Variants in GAPVD1 observed in about 807,000 individuals in gnomAD.
GAPVD1 encodes the protein GTPase activating protein and VPS9 domains 1, also known as GTPase-activating protein and VPS9 domain-containing protein 1.
In GAPVD1, 35 loss-of-function variants were observed where a neutral mutation model predicts 155.5. The observed-to-expected ratio is 0.23, with a 90% CI of 0.17 to 0.30. GAPVD1 has a LOEUF of 0.30. Ranked by LOEUF, GAPVD1 falls within the 10% of genes least tolerant of loss-of-function variation. The probability of loss-of-function intolerance (pLI) is 1.00; values close to 1 mark genes in which losing one functional copy is unlikely to be tolerated. For synonymous variants in GAPVD1, 636 were observed against 619.7 expected (o/e 1.03, Z -0.39); for missense variants, 1,429 against 1,775.7 (o/e 0.80, Z 3.51).
intron 17 of GAPVD1, among the ~76,000 whole-genome samples, chr9:125,338,248 C>T (rs1309259824): frequency 6.6e-6 from 1 of 152,184 alleles, no homozygotes; most frequent in African/African-American, 2.4e-5. Flanking sequence ...AACACTCCCT[C>T]CCCATTTGTG....
Position 125,351,021 on chromosome 9 carries a change from C to T in GAPVD1, c.3569+149C>T, listed in dbSNP as rs370765335. ...GTAGATTTCTGTGTTAGTCTGTTCTCACGCTGCTGATAAAGATATACCCGA... is the reference window on the plus strand; with the variant it reads ...GTAGATTTCTGTGTTAGTCTGTTCTTACGCTGCTGATAAAGATATACCCGA... On this transcript the variant is annotated intron_variant, in intron 23 of 27. Transcript: ENST00000297933. 121 of 652,210 alleles carry T rather than the reference C, an allele frequency of 1.9e-4. No homozygotes were observed. In the African/African-American group the frequency reaches 1.9e-3, roughly 10 times the overall value. The allele number at this position is 652,210 out of a possible 1,614,324, so 40.4% of individuals were successfully genotyped here. A position where few individuals can be genotyped will look rare whatever the true frequency, so the allele number is the denominator to read the frequency against.
At chr9:125,295,928 A>G (rs570629866) in intron 3 of GAPVD1, among the ~76,000 whole-genome samples, 7 of 152,242 alleles carry the variant, frequency 4.6e-5, no homozygotes, top group Admixed American at 2.6e-4. Context: ...ACTCAGTCAT[A>G]TATTTGTTCA....
At chr9:125,287,486 C>T (rs186959319) in intron 2 of GAPVD1, among the ~76,000 whole-genome samples, 12 of 151,926 alleles carry the variant, frequency 7.9e-5, no homozygotes, top group African/African-American at 1.7e-4. Context: ...GCCAGCCTGG[C>T]GACAGAGCAA....
At chr9:125,326,318 G>A in intron 11 of GAPVD1, 98 bp from the exon 12 acceptor site, 3 of 831,088 alleles carry the variant, frequency 3.6e-6, no homozygotes, top group Non-Finnish European at 5.7e-6. Context: ...GGGAGTTCGA[G>A]ACCAGCCTGA....
chr9:125,352,532 C>T (rs1039153280), intron 23 of GAPVD1, among the ~76,000 whole-genome samples: 6 of 152,226 alleles, frequency 3.9e-5, no homozygotes, highest in African/African-American at 1.4e-4. Context: ...GGCAGGGCAC[C>T]AAGTCCCTAG....
chr9:125,293,629 T>A (rs987190861), intron 2 of GAPVD1, among the ~76,000 whole-genome samples: 11 of 128,446 alleles, frequency 8.6e-5, no homozygotes, highest in Non-Finnish European at 3.1e-5. Flanking sequence ...TTATATATAT[T>A]ATATATATAT....
At chr9:125,332,159 G>C in intron 14 of GAPVD1, 99 bp downstream of exon 14, 3 of 1,173,416 alleles carry the variant, frequency 2.6e-6, no homozygotes, top group Middle Eastern at 2.4e-4. Flanking sequence ...TTATATTTAA[G>C]AGCTGAGTAA....
At chr9:125,361,214 A>G (rs1850864514) in intron 27 of GAPVD1, among the ~76,000 whole-genome samples, 1 of 152,018 alleles carries the variant, frequency 6.6e-6, no homozygotes, top group Non-Finnish European at 1.5e-5. Flanking sequence ...GGATGGGAGG[A>G]CTAGATTCCT....
intron 23 of GAPVD1, among the ~76,000 whole-genome samples, chr9:125,351,640 A>T (rs553476697): frequency 2.0e-5 from 3 of 152,362 alleles, no homozygotes; most frequent in African/African-American, 7.2e-5. Context: ...TCTGAAATCC[A>T]GCAGGGCAGT....
chr9:125,313,708 T>C (rs1842987137), intron 9 of GAPVD1, among the ~76,000 whole-genome samples: 1 of 152,170 alleles, frequency 6.6e-6, no homozygotes, highest in Non-Finnish European at 1.5e-5. Flanking sequence ...TTCAAGCAAT[T>C]CTCCTGCCTC....
intron 2 of GAPVD1, among the ~76,000 whole-genome samples, chr9:125,288,357 G>C (rs1006144712): frequency 1.3e-4 from 20 of 151,970 alleles, no homozygotes; most frequent in African/African-American, 4.8e-4. Context: ...TGATCCACCC[G>C]CCTCAGCCTC....
intron 9 of GAPVD1, among the ~76,000 whole-genome samples, chr9:125,315,009 G>T (rs1197742569): frequency 6.6e-6 from 1 of 151,984 alleles, no homozygotes; most frequent in East Asian, 1.9e-4. Flanking sequence ...GGATAGTCTC[G>T]ATCTCCTGAC....
Position 125,359,476 on chromosome 9 carries a change from C to A in GAPVD1, c.4028C>A (p.Ala1343Asp). ...LSKVVTANHR[A>D]LQIPEVYLRE... ...AAAGTAGTGACTGCAAATCACAGAG[C>A]TCTTCAGATACCAGAGGTAATACAG... The change falls in exon 26 of 28, where the codon GCT becomes GAT. Residue 1343 changes from alanine (A) to aspartate (D), a missense_variant. Physicochemically the swap from Ala to Asp is moderately radical, Grantham distance 126. Transcript: ENST00000297933. The A allele has an allele frequency of 1.9e-6, 3 of 1,564,660 alleles. No individual in the cohort carries two copies. The highest frequency in any genetic ancestry group is 2.2e-5 in the East Asian group (1 of 44,626).
chr9:125,305,937 G>T (rs903974590), intron 6 of GAPVD1, among the ~76,000 whole-genome samples: 5 of 152,078 alleles, frequency 3.3e-5, no homozygotes, highest in Non-Finnish European at 5.9e-5. Flanking sequence ...ACAGATGTCA[G>T]CCACCATGCC....
chr9:125,341,429 CAGAG>C, intron 18 of GAPVD1, 165 bp downstream of exon 18: 1 of 546,298 alleles, frequency 1.8e-6, no homozygotes, highest in Admixed American at 3.6e-5. Flanking sequence ...AATGCTAAGG[CAGAG>C]CTTTAGAAAT....
At position 125,363,485 on chromosome 9, in the gene GAPVD1, T is replaced by C. The variant is rs879909306; in HGVS notation, c.*739T>C. The C allele has an allele frequency of 1.3e-5, 2 of 152,224 alleles. No homozygotes were observed. Among genetic ancestry groups the C allele is most frequent in the Non-Finnish European group, 2.9e-5 (2 of 68,040 alleles). The allele number at this position is 152,224 out of a possible 1,614,324, so 9.4% of individuals were successfully genotyped here. ...TGGAGTTTGATGGACAGGGCTGCCT[T>C]TAATGAGTGTGAAGGTCACTAAGTC... On this transcript the variant is annotated 3_prime_UTR_variant, in exon 28 of 28. Coordinates refer to ENST00000297933, the MANE Select transcript of GAPVD1 (RefSeq NM_001282680.3).
At chr9:125,345,866 A>C in intron 19 of GAPVD1, 1 of 150,796 alleles carries the variant, frequency 6.6e-6, no homozygotes, top group South Asian at 2.1e-4. Context: ...TATACACATA[A>C]GTGTGTGTGT....
At chr9:125,315,757 G>C (rs539225650) in intron 9 of GAPVD1, among the ~76,000 whole-genome samples, 6 of 152,038 alleles carry the variant, frequency 3.9e-5, no homozygotes, top group African/African-American at 1.4e-4. Flanking sequence ...GGAGACACCA[G>C]GGGGCACAAA....
At position 125,293,852 on chromosome 9, in the gene GAPVD1, T is replaced by TATATA. The variant is rs1839177348; in HGVS notation, c.-149-1606_-149-1605insATATA. Among the ~76,000 whole-genome samples, 43 of 35,194 alleles carry TATATA rather than the reference T, an allele frequency of 1.2e-3. 1 individual carries two copies. The highest frequency in any genetic ancestry group is 3.0e-3 in the South Asian group (3 of 1,016). The allele number at this position is 35,194 out of a possible 152,430, so 23.1% of individuals were successfully genotyped here. A position where few individuals can be genotyped will look rare whatever the true frequency, so the allele number is the denominator to read the frequency against. The stretch of plus-strand genomic sequence containing the variant: ...AAAAATATATATATAAAAATATATT[T>TATATA]TATATATATATATATATATATATAT... On this transcript the variant is annotated intron_variant, in intron 2 of 27. Coordinates refer to ENST00000297933, the MANE Select transcript of GAPVD1 (RefSeq NM_001282680.3).
Sources: allele counts gnomAD v4.1 joint callset (sites outside exome capture counted in the v4.1 genomes callset), GRCh38; gene constraint gnomAD v4.1.1; transcripts MANE v1.5; gene names NCBI Gene and HGNC (gene_info 2026-07-23, HGNC 2026-07-21).